The following ERICH5 variants were observed in gnomAD, a reference collection of about 807,000 sequenced individuals.
ERICH5 encodes the protein glutamate rich 5.
Under a neutral mutation model 28.0 loss-of-function variants are expected in ERICH5, and 24 were observed. The observed-to-expected ratio is 0.86, with a 90% CI of 0.62 to 1.21. ERICH5 has a LOEUF of 1.21. ERICH5 is among the 50% of genes most tolerant of loss of function. The pLI is 0.00. For synonymous variants in ERICH5, 163 were observed against 157.6 expected, an observed-to-expected ratio of 1.03 and a Z score of -0.25; for missense variants, 421 against 441.2, an observed-to-expected ratio of 0.95 and a Z score of 0.41.
chr8:98,073,405 T>TCC (rs1814957678), intron 1 of ERICH5, among the ~76,000 whole-genome samples: 1 of 15,170 alleles, frequency 6.6e-5, no homozygotes, highest in Non-Finnish European at 1.0e-4. Flanking sequence ...AGTGAGACCC[T>TCC]CTCTCTCTCT....
At chr8:98,065,766 C>T (rs896434315) in intron 1 of ERICH5, among the ~76,000 whole-genome samples, 1 of 152,162 alleles carries the variant, frequency 6.6e-6, no homozygotes, top group Non-Finnish European at 1.5e-5. Flanking sequence ...GCAAGGCGAA[C>T]TTTAGCGGGG....
At chr8:98,080,371 G>A (rs1333115609) in intron 1 of ERICH5, among the ~76,000 whole-genome samples, 1 of 152,182 alleles carries the variant, frequency 6.6e-6, no homozygotes, top group East Asian at 1.9e-4. Context: ...CAGTCTCAAT[G>A]CTCTGCTTTA....
At chr8:98,068,487 C>A (rs1225094046) in intron 1 of ERICH5, among the ~76,000 whole-genome samples, 1 of 152,114 alleles carries the variant, frequency 6.6e-6, no homozygotes. Context: ...GATAATTAGA[C>A]AGATTGAGTT....
Position 98,089,387 on chromosome 8 carries a change from G to A in ERICH5, c.370G>A (p.Ala124Thr), listed in dbSNP as rs750923722. 6 of 1,614,138 alleles carry A rather than the reference G, an allele frequency of 3.7e-6. No homozygotes were observed. In the East Asian group the frequency reaches 1.3e-4, roughly 36 times the overall value. Residue 124 changes from alanine (A) to threonine (T), a missense_variant, in exon 2 of 3, where the codon GCC (alanine) becomes ACC (threonine). Transcript: ENST00000318528. ...GCCTCAACCAGGTGGCAAAGAGGAT[G>A]CCCCAGCAGCAGAAGGAAAGAAGAA... ...GPPQPGGKED[A>T]PAAEGKKKDA...
intron 1 of ERICH5, among the ~76,000 whole-genome samples, chr8:98,086,204 A>T (rs1815274642): frequency 6.6e-6 from 1 of 152,178 alleles, no homozygotes; most frequent in Non-Finnish European, 1.5e-5. Context: ...AAAAGACAAT[A>T]ATAGAACAAT....
intron 1 of ERICH5, among the ~76,000 whole-genome samples, chr8:98,078,998 A>G (rs1024594924): frequency 6.6e-6 from 1 of 152,160 alleles, no homozygotes; most frequent in African/African-American, 2.4e-5. Context: ...TTGAGGAGGT[A>G]TGGTGAGGAT....
intron 1 of ERICH5, among the ~76,000 whole-genome samples, chr8:98,072,807 A>C (rs1207391737): frequency 6.6e-6 from 1 of 151,952 alleles, no homozygotes. Flanking sequence ...CTCTTTGCTT[A>C]TTTCTTTTCC....
At chr8:98,088,435 C>T (rs891596309) in intron 1 of ERICH5, among the ~76,000 whole-genome samples, 3 of 152,168 alleles carry the variant, frequency 2.0e-5, no homozygotes, top group African/African-American at 4.8e-5. Flanking sequence ...ATGCATGTTT[C>T]TCTGCTTTCT....
intron 2 of ERICH5, among the ~76,000 whole-genome samples, chr8:98,091,947 T>C (rs1246087015): frequency 2.6e-4 from 9 of 34,000 alleles, no homozygotes; most frequent in African/African-American, 7.7e-4. Flanking sequence ...CTTTCTTTCT[T>C]TCTTCTTTCT....
At chr8:98,081,204 C>A (rs543282989) in intron 1 of ERICH5, among the ~76,000 whole-genome samples, 1 of 152,172 alleles carries the variant, frequency 6.6e-6, no homozygotes, top group South Asian at 2.1e-4. Context: ...CTCCTGGGCT[C>A]AAGCTATCCT....
At chr8:98,084,644 G>C (rs1196117793) in intron 1 of ERICH5, among the ~76,000 whole-genome samples, 1 of 152,172 alleles carries the variant, frequency 6.6e-6, no homozygotes, top group African/African-American at 2.4e-5. Flanking sequence ...GCCTCCCAAA[G>C]TGCTGGGATT....
intron 2 of ERICH5, among the ~76,000 whole-genome samples, chr8:98,091,905 C>CT (rs1230900180): frequency 3.3e-4 from 27 of 82,636 alleles, no homozygotes; most frequent in African/African-American, 7.5e-4. Context: ...TCTTTCCTTT[C>CT]TTTCTTTCTT....
At position 98,073,460 on chromosome 8, in the gene ERICH5, GTA is replaced by G. The variant is rs1321366335; in HGVS notation, c.58+8757_58+8758del. Among the ~76,000 whole-genome samples, 38 of 14,370 alleles carry G rather than the reference GTA, an allele frequency of 2.6e-3. 9 individuals are homozygous for G. The highest frequency in any genetic ancestry group is 4.3e-3 in the African/African-American group (9 of 2,102). 9.4% of individuals were successfully genotyped at this position (14,370 alleles called of 152,430 possible). ...TATATATATATATATATATATATAT[GTA>G]TATATATATATATATATATATATGT... On this transcript the variant is annotated intron_variant, in intron 1 of 2. Coordinates refer to ENST00000318528, the MANE Select transcript of ERICH5 (RefSeq NM_173549.3).
chr8:98,076,010 GGT>G (rs1815046492), intron 1 of ERICH5, among the ~76,000 whole-genome samples: 2 of 151,878 alleles, frequency 1.3e-5, no homozygotes, highest in African/African-American at 4.8e-5. Flanking sequence ...ACATTGGTGA[GGT>G]GGGTCTGTCC....
At chr8:98,088,937 C>A in intron 1 of ERICH5, 139 bp from the exon 2 acceptor site, 1 of 640,584 alleles carries the variant, frequency 1.6e-6, no homozygotes, top group Non-Finnish European at 2.7e-6. Context: ...CATGGTATGG[C>A]CTTTCTGTAC....
chr8:98,073,666 C>T (rs776364689), intron 1 of ERICH5, among the ~76,000 whole-genome samples: 56 of 147,954 alleles, frequency 3.8e-4, no homozygotes, highest in Non-Finnish European at 7.4e-5. Flanking sequence ...CATCACCGTC[C>T]GGAGTAGCTG....
rs554267671 is a variant in ERICH5, at chr8:98,088,705, T to A, written c.59-371T>A. 2.4e-4 allele frequency among the ~76,000 whole-genome samples: 37 copies of A among 152,184 alleles called. No homozygotes were observed. In the East Asian group the frequency reaches 4.2e-3, roughly 17 times the overall value. Reference sequence around the variant, plus strand: ...CGCCAAAACAAAAATGGAAAAAAAATTTTTTAAAAAGGAAACCTTCTAAGT... The same window carrying A: ...CGCCAAAACAAAAATGGAAAAAAAAATTTTTAAAAAGGAAACCTTCTAAGT... On this transcript the variant is annotated intron_variant, in intron 1 of 2. Transcript: ENST00000318528.
At chr8:98,072,979 C>T (rs889287655) in intron 1 of ERICH5, among the ~76,000 whole-genome samples, 2 of 152,222 alleles carry the variant, frequency 1.3e-5, no homozygotes, top group South Asian at 2.1e-4. Context: ...AGTACTTAAT[C>T]TAAAGGTATA....
At chr8:98,079,168 T>C (rs776569676) in intron 1 of ERICH5, among the ~76,000 whole-genome samples, 55 of 47,546 alleles carry the variant, frequency 1.2e-3, no homozygotes, top group Admixed American at 3.2e-3. Flanking sequence ...TTTTTTTCCT[T>C]TTTTTTTTTT....
Sources: allele counts gnomAD v4.1 joint callset (sites outside exome capture counted in the v4.1 genomes callset), GRCh38; gene constraint gnomAD v4.1.1; transcripts MANE v1.5; gene names NCBI Gene and HGNC (gene_info 2026-07-23, HGNC 2026-07-21).